HYDIN: variants seen among roughly 807,000 people sequenced by gnomAD.
HYDIN encodes the protein HYDIN axonemal central pair apparatus protein.
HYDIN carries 132 observed loss-of-function variants against 403.9 expected under a neutral mutation model. That is an observed-to-expected ratio of 0.33 (90% CI 0.28 to 0.38). The LOEUF is 0.38. Among genes scored for constraint, HYDIN ranks in the 10% least tolerant of loss-of-function variants. HYDIN has a pLI of 1.00. For missense variants in HYDIN, 2,827 were observed against 5,009.5 expected (o/e 0.56, Z 13.15); for synonymous variants, 1,202 against 1,891.7 (o/e 0.64, Z 9.46).
At chr16:71,175,961 G>A (rs1260242260) in intron 4 of HYDIN, 3 of 564,002 alleles carry the variant, frequency 5.3e-6, no homozygotes, top group Non-Finnish European at 9.5e-6. Context: ...ATTATTCTTA[G>A]TTATTTTTAT....
chr16:70,891,010 T>G (rs4028361), intron 57 of HYDIN, among the ~76,000 whole-genome samples: 5,329 of 150,316 alleles, frequency 0.035, 247 homozygotes, highest in African/African-American at 0.12. Context: ...ATCTAACAAG[T>G]CCTTCAGCAC....
At chr16:70,993,714 T>C (rs1319422845) in intron 23 of HYDIN, among the ~76,000 whole-genome samples, 1 of 149,968 alleles carries the variant, frequency 6.7e-6, no homozygotes, top group East Asian at 1.9e-4. Context: ...CTGGGTTGTA[T>C]GGTATATGTA....
chr16:70,938,584 C>T, intron 44 of HYDIN, 30 bp downstream of exon 44: 4 of 1,472,516 alleles, frequency 2.7e-6, no homozygotes, highest in Non-Finnish European at 3.8e-6. Context: ...GGGGGAATGG[C>T]TTCTGCTCTG....
intron 1 of HYDIN, among the ~76,000 whole-genome samples, chr16:71,194,221 G>A (rs573479339): frequency 5.9e-4 from 90 of 152,202 alleles, no homozygotes; most frequent in African/African-American, 2.0e-3. Flanking sequence ...GACCATTGTG[G>A]CAAATGTGGT....
In HYDIN at chr16:70,983,799, AAG is replaced by A. The variant is rs2079106879; in HGVS notation, c.4332+1384_4332+1385del. Among the ~76,000 whole-genome samples, 5 of 151,970 alleles carry A rather than the reference AAG, an allele frequency of 3.3e-5. No individual in the cohort carries two copies. The South Asian group carries it at 1.0e-3, about 32-fold the overall frequency. On this transcript the variant is annotated intron_variant, in intron 28 of 85. Coordinates refer to ENST00000393567, the MANE Select transcript of HYDIN (RefSeq NM_001270974.2). Reference sequence around the variant, plus strand: ...ATCATAATCATTTGGAAATTAAAAAAAGAAAAATATATTTTAAATTACATTTG... The same window carrying A: ...ATCATAATCATTTGGAAATTAAAAAAAAAAATATATTTTAAATTACATTTG...
chr16:71,163,216 G>A (rs1467649681), intron 5 of HYDIN, among the ~76,000 whole-genome samples: 3 of 147,376 alleles, frequency 2.0e-5, no homozygotes, highest in African/African-American at 5.0e-5. Context: ...TCCGCCTCCC[G>A]GGTTCACGCC....
At chr16:70,898,849 T>A (rs2076281064) in intron 53 of HYDIN, among the ~76,000 whole-genome samples, 1 of 150,968 alleles carries the variant, frequency 6.6e-6, no homozygotes, top group African/African-American at 2.4e-5. Context: ...GTTCAAGTGA[T>A]TCTCCTGCCT....
intron 20 of HYDIN, among the ~76,000 whole-genome samples, chr16:71,026,631 C>A (rs2144141197): frequency 6.6e-6 from 1 of 152,300 alleles, no homozygotes; most frequent in South Asian, 2.1e-4. Flanking sequence ...GTTGGCTGAT[C>A]ACCTGAATAA....
At chr16:71,205,287 A>G (rs2088234181) in intron 1 of HYDIN, among the ~76,000 whole-genome samples, 1 of 152,202 alleles carries the variant, frequency 6.6e-6, no homozygotes, top group Admixed American at 6.5e-5. Context: ...GAGAGGAGCA[A>G]AGCTGCGCAC....
At chr16:71,087,925 A>C (rs1450109197) in intron 12 of HYDIN, 1 of 156,338 alleles carries the variant, frequency 6.4e-6, no homozygotes, top group African/African-American at 2.4e-5. Context: ...ACAAAAGACA[A>C]AAGTTTAGAG....
intron 45 of HYDIN, among the ~76,000 whole-genome samples, chr16:70,922,901 G>A (rs559063437): frequency 6.7e-6 from 1 of 148,556 alleles, no homozygotes; most frequent in South Asian, 2.1e-4. Context: ...CAAGTAGCTT[G>A]GGACTACAGG....
chr16:70,925,395 C>T (rs2143828481), intron 45 of HYDIN, among the ~76,000 whole-genome samples: 1 of 152,344 alleles, frequency 6.6e-6, no homozygotes, highest in East Asian at 1.9e-4. Context: ...ATCCTTTCCC[C>T]ATTGCTTGTT....
At chr16:71,066,962 G>A (rs1368588217) in intron 15 of HYDIN, 4 of 682,266 alleles carry the variant, frequency 5.9e-6, no homozygotes, top group Non-Finnish European at 1.1e-5. Flanking sequence ...ATAAAAATGA[G>A]CAGCTCTTCA....
chr16:71,043,921 T>TAAAA lies in HYDIN; in HGVS notation c.2530-12008_2530-12005dup, dbSNP rs150430951. On this transcript the variant is annotated intron_variant, in intron 18 of 85. Coordinates refer to ENST00000393567, the MANE Select transcript of HYDIN (RefSeq NM_001270974.2). ...CTGGGTAAAATAGTGAGACCTCATC[T>TAAAA]AAAAAAAAAAGAAAGAAAGAAAGAG... Among the ~76,000 whole-genome samples, 106 of 140,854 alleles carry TAAAA rather than the reference T, an allele frequency of 7.5e-4. 1 individual carries two copies. The East Asian group carries it at 0.021, about 28-fold the overall frequency. The allele number at this position is 140,854 out of a possible 152,430, so 92.4% of individuals were successfully genotyped here. A position where few individuals can be genotyped will look rare whatever the true frequency, so the allele number is the denominator to read the frequency against.
At chr16:70,925,180 A>G (rs1233599158) in intron 45 of HYDIN, among the ~76,000 whole-genome samples, 4 of 152,012 alleles carry the variant, frequency 2.6e-5, no homozygotes, top group Non-Finnish European at 5.9e-5. Context: ...TCTGTTCAAT[A>G]TCTTGCCCTT....
At chr16:71,186,202 A>C (rs2144667172) in intron 2 of HYDIN, among the ~76,000 whole-genome samples, 1 of 152,274 alleles carries the variant, frequency 6.6e-6, no homozygotes, top group Non-Finnish European at 1.5e-5. Context: ...CCCTGGCACT[A>C]TACATTTTTA....
rs2143422200 is a variant in HYDIN, at chr16:70,809,918, T to C, written c.14748A>G (p.Gln4916=). ...TLHNTDLGYY[Q]YELYLKATPA... ...GCGTGGCTTTCAGATAGAGCTCATA[T>C]TGGTAGTAACCCAAGTCAGTGTTGT... The change falls in exon 85 of 86, where the codon CAA becomes CAG. Residue 4916 remains glutamine, a synonymous_variant. Coordinates refer to ENST00000393567, the MANE Select transcript of HYDIN (RefSeq NM_001270974.2). The C allele has an allele frequency of 3.7e-6, 6 of 1,614,208 alleles. No homozygotes were observed. The highest frequency in any genetic ancestry group is 5.1e-6 in the Non-Finnish European group (6 of 1,180,034).
At chr16:71,051,195 A>G (rs1342706408) in intron 18 of HYDIN, among the ~76,000 whole-genome samples, 1 of 152,226 alleles carries the variant, frequency 6.6e-6, no homozygotes, top group Non-Finnish European at 1.5e-5. Flanking sequence ...AATTTGTTAT[A>G]TTAACAGATA....
At chr16:70,930,923 C>G (rs1053144708) in intron 45 of HYDIN, among the ~76,000 whole-genome samples, 5 of 152,084 alleles carry the variant, frequency 3.3e-5, no homozygotes, top group Non-Finnish European at 7.4e-5. Flanking sequence ...GTGACAAATT[C>G]TCAAAGGAAA....
Sources: gnomAD v4.1 joint callset for allele counts (sites outside exome capture counted in the v4.1 genomes callset) on GRCh38, gnomAD v4.1.1 for gene constraint, MANE v1.5 for transcripts, NCBI Gene and HGNC (gene_info 2026-07-23, HGNC 2026-07-21) for gene names.